The following IL1RAPL2 variants were observed in gnomAD, a reference collection of about 807,000 sequenced individuals.
The protein encoded by IL1RAPL2 is X-linked interleukin-1 receptor accessory protein-like 2.
A neutral mutation model predicts 44.1 loss-of-function variants in IL1RAPL2; 3 were observed. That is an observed-to-expected ratio of 0.07 (90% CI 0.03 to 0.18). The LOEUF (loss-of-function observed/expected upper bound fraction) is 0.18, where lower values mean the gene tolerates loss of function less well. Ranked by LOEUF, IL1RAPL2 falls within the 10% of genes least tolerant of loss-of-function variation. The pLI, the probability that IL1RAPL2 is intolerant of heterozygous loss-of-function variation, is 1.00. For synonymous variants in IL1RAPL2, 181 were observed against 178.8 expected, an observed-to-expected ratio of 1.01 and a Z score of -0.10; for missense variants, 391 against 496.4, an observed-to-expected ratio of 0.79 and a Z score of 2.02.
At chrX:104,950,713 T>C in intron 2 of IL1RAPL2, among the ~76,000 whole-genome samples, 1 of 85,489 alleles carries the variant, frequency 1.2e-5, no homozygotes, top group African/African-American at 3.6e-5. Flanking sequence ...GTTTTTGTTT[T>C]TGTTTTTTTT....
At chrX:105,757,189 A>G (rs1444950717) in intron 10 of IL1RAPL2, among the ~76,000 whole-genome samples, 1 of 111,645 alleles carries the variant, frequency 9.0e-6, no homozygotes, top group Non-Finnish European at 1.9e-5. Flanking sequence ...TTTGATATAC[A>G]TTGTATGTCC....
intron 2 of IL1RAPL2, among the ~76,000 whole-genome samples, chrX:104,938,688 C>A (rs1021793985): frequency 6.2e-5 from 6 of 96,643 alleles, no homozygotes; most frequent in East Asian, 3.2e-4. Flanking sequence ...AAAAAAAAAA[C>A]CCAGTAATAG....
In IL1RAPL2 at chrX:104,990,680, G is replaced by A. The variant is rs370405633; in HGVS notation, c.83-204795G>A. On this transcript the variant is annotated intron_variant, in intron 2 of 10. Coordinates refer to ENST00000372582, the MANE Select transcript of IL1RAPL2 (RefSeq NM_017416.2). ...GCACTAAAACATCAATGGCCTGAGAGAGAAGGAAGACCTTTAAAATATATT... is the reference window on the plus strand; with the variant it reads ...GCACTAAAACATCAATGGCCTGAGAAAGAAGGAAGACCTTTAAAATATATT... Among the ~76,000 whole-genome samples the A allele has an allele frequency of 1.4e-3, 161 of 111,408 alleles. 1 individual carries two copies. Among genetic ancestry groups the A allele is most frequent in the African/African-American group, 4.8e-3 (149 of 30,770 alleles).
At chrX:105,630,655 G>A (rs1368498614) in intron 6 of IL1RAPL2, among the ~76,000 whole-genome samples, 1 of 110,089 alleles carries the variant, frequency 9.1e-6, no homozygotes, top group Non-Finnish European at 1.9e-5. Flanking sequence ...TTATTCATCT[G>A]GGTGTTAGGG....
chrX:105,341,658 G>T (rs2035071103), intron 5 of IL1RAPL2, among the ~76,000 whole-genome samples: 1 of 112,216 alleles, frequency 8.9e-6, no homozygotes, highest in African/African-American at 3.2e-5. Context: ...ATGGCCAGGT[G>T]CAGTGGCTCA....
At chrX:105,253,974 G>A (rs5962270) in intron 4 of IL1RAPL2, among the ~76,000 whole-genome samples, 16,718 of 111,091 alleles carry the variant, frequency 0.15, 2,428 homozygotes, top group African/African-American at 0.45. Flanking sequence ...GGTTGATTCC[G>A]TGTCTTTGCT....
intron 2 of IL1RAPL2, among the ~76,000 whole-genome samples, chrX:105,171,724 T>G (rs2033425261): frequency 6.5e-5 from 6 of 92,170 alleles, no homozygotes; most frequent in Admixed American, 2.6e-4. Flanking sequence ...TGTGGGAGGG[T>G]GGTGGGGGTG....
At chrX:104,860,492 T>A (rs1449112617) in intron 2 of IL1RAPL2, among the ~76,000 whole-genome samples, 6 of 111,884 alleles carry the variant, frequency 5.4e-5, no homozygotes, top group African/African-American at 1.9e-4. Context: ...CAAAGATGTA[T>A]AAAACATCAT....
chrX:105,428,225 A>G (rs2035824395), intron 5 of IL1RAPL2, among the ~76,000 whole-genome samples: 1 of 111,844 alleles, frequency 8.9e-6, no homozygotes, highest in Non-Finnish European at 1.9e-5. Context: ...AGACAGTACT[A>G]ATATAAAATT....
chrX:105,681,881 G>A (rs1255178728), intron 6 of IL1RAPL2, among the ~76,000 whole-genome samples: 1 of 111,966 alleles, frequency 8.9e-6, no homozygotes, highest in African/African-American at 3.2e-5. Context: ...GAGGCTCTGA[G>A]ACAGTCATCC....
At chrX:105,108,814 A>C (rs1457541752) in intron 2 of IL1RAPL2, among the ~76,000 whole-genome samples, 1 of 111,662 alleles carries the variant, frequency 9.0e-6, no homozygotes, top group Non-Finnish European at 1.9e-5. Context: ...ATATTTTACA[A>C]ACGTAAATTA....
chrX:105,073,704 C>T (rs1458809725), intron 2 of IL1RAPL2, among the ~76,000 whole-genome samples: 1 of 111,725 alleles, frequency 9.0e-6, no homozygotes, highest in South Asian at 3.8e-4. Context: ...TCTCCAGCAC[C>T]TGTTGTTTCC....
At chrX:104,933,511 G>A (rs1352013097) in intron 2 of IL1RAPL2, among the ~76,000 whole-genome samples, 1 of 111,717 alleles carries the variant, frequency 9.0e-6, no homozygotes, top group Non-Finnish European at 1.9e-5. Flanking sequence ...GAGAAGACAT[G>A]AATGTGGATT....
intron 1 of IL1RAPL2, among the ~76,000 whole-genome samples, chrX:104,621,091 C>A (rs1929388848): frequency 2.9e-5 from 3 of 104,134 alleles, no homozygotes; most frequent in Non-Finnish European, 5.8e-5. Flanking sequence ...TTATATATTA[C>A]AATGTAATAT....
At chrX:105,012,051 C>T (rs2031057713) in intron 2 of IL1RAPL2, among the ~76,000 whole-genome samples, 1 of 111,042 alleles carries the variant, frequency 9.0e-6, no homozygotes, top group Non-Finnish European at 1.9e-5. Flanking sequence ...CATTTAAAGA[C>T]TTTTTGCACA....
At chrX:105,353,055 A>G (rs1408634607) in intron 5 of IL1RAPL2, among the ~76,000 whole-genome samples, 1 of 111,267 alleles carries the variant, frequency 9.0e-6, no homozygotes, top group African/African-American at 3.3e-5. Context: ...TAGGGTTTTT[A>G]TGGTTTTAGG....
At chrX:104,898,863 A>G (rs1213336103) in intron 2 of IL1RAPL2, among the ~76,000 whole-genome samples, 4 of 112,543 alleles carry the variant, frequency 3.6e-5, no homozygotes, top group Non-Finnish European at 7.5e-5. Flanking sequence ...TAGTCAAAAA[A>G]TCATTTTGCT....
intron 6 of IL1RAPL2, among the ~76,000 whole-genome samples, chrX:105,711,141 T>C (rs1204452443): frequency 9.1e-6 from 1 of 110,219 alleles, no homozygotes; most frequent in Admixed American, 9.8e-5. Context: ...ATAGAACAGA[T>C]GATACGTACT....
intron 2 of IL1RAPL2, among the ~76,000 whole-genome samples, chrX:105,050,191 G>GA (rs1290779803): frequency 1.8e-5 from 2 of 112,044 alleles, no homozygotes; most frequent in African/African-American, 3.2e-5. Context: ...TCAAGTGGTA[G>GA]AAAAAATCCT....
Sources: allele counts gnomAD v4.1 joint callset (sites outside exome capture counted in the v4.1 genomes callset), GRCh38; gene constraint gnomAD v4.1.1; transcripts MANE v1.5; gene names NCBI Gene and HGNC (gene_info 2026-07-23, HGNC 2026-07-21).